STRA8: variants seen among roughly 807,000 people sequenced by gnomAD.
STRA8 encodes stimulated by retinoic acid 8.
STRA8 carries 18 observed loss-of-function variants against 37.1 expected under a neutral mutation model. The observed-to-expected ratio is 0.48, with a 90% CI of 0.34 to 0.72. The LOEUF (loss-of-function observed/expected upper bound fraction) is 0.72, where lower values mean the gene tolerates loss of function less well. Ranked by LOEUF, STRA8 falls within the 30% of genes least tolerant of loss-of-function variation. The pLI is 0.01. For synonymous variants in STRA8, 168 were observed against 162.9 expected (o/e 1.03, Z -0.24); for missense variants, 357 against 410.4 (o/e 0.87, Z 1.13).
chr7:135,258,292 G>A, intron 8 of STRA8, 126 bp from the exon 9 acceptor site: 1 of 672,766 alleles, frequency 1.5e-6, no homozygotes, highest in South Asian at 2.1e-5. Context: ...AGGTGAAAAT[G>A]CAGCGGAAGA....
intron 8 of STRA8, among the ~76,000 whole-genome samples, chr7:135,258,020 G>A (rs1242074311): frequency 2.6e-5 from 4 of 152,212 alleles, no homozygotes; most frequent in African/African-American, 9.7e-5. Context: ...AGAGCACGCT[G>A]TCTCATTATT....
Position 135,240,556 on chromosome 7 carries a change from A to C in STRA8, c.32A>C (p.His11Pro). The C allele has an allele frequency of 6.2e-7, 1 of 1,613,574 alleles. No individual in the cohort carries two copies. Among genetic ancestry groups the C allele is most frequent in the Admixed American group, 1.7e-5 (1 of 59,980 alleles). MATPEENSNP[H>P]DRATPQLPAQ... ...ACCCCTGAAGAAAACAGCAATCCCC[A>C]TGACAGAGCAACACCCCAGCTGCCA... Residue 11 changes from histidine to proline, a missense_variant, in exon 2 of 9, where the codon CAT becomes CCT. Physicochemically the swap from His to Pro is moderately conservative, Grantham distance 77. Coordinates refer to ENST00000662584, the MANE Select transcript of STRA8 (RefSeq NM_001394401.1).
intron 1 of STRA8, among the ~76,000 whole-genome samples, chr7:135,236,101 C>CAAAAGAAATA (rs1419822592): frequency 6.7e-6 from 1 of 149,968 alleles, no homozygotes; most frequent in African/African-American, 2.5e-5. Flanking sequence ...GACCCTATCT[C>CAAAAGAAATA]AAAAGAAATA....
chr7:135,258,427 T>G lies in STRA8; in HGVS notation c.1075T>G (p.Phe359Val). 6.2e-7 allele frequency: 1 copy of G among 1,604,308 alleles called. No individual in the cohort carries two copies. Among genetic ancestry groups the G allele is most frequent in the Non-Finnish European group, 8.5e-7 (1 of 1,175,118 alleles). Residue 359 changes from phenylalanine (F) to valine (V), a missense_variant, in exon 9 of 9, where the codon TTT becomes GTT. Coordinates refer to ENST00000662584, the MANE Select transcript of STRA8 (RefSeq NM_001394401.1). ...ACCCTGTGTCTTGCAGGAAGCATCC[T>G]TTCCCGTTGATGAAGAGATGATCAT... ...ANTQVKQEASFPVDEEMIMLQ... is the reference protein window; with the variant it reads ...ANTQVKQEASVPVDEEMIMLQ...
chr7:135,255,604 G>T (rs73156153), intron 8 of STRA8, among the ~76,000 whole-genome samples: 1 of 152,158 alleles, frequency 6.6e-6, no homozygotes, highest in African/African-American at 2.4e-5. Flanking sequence ...TCTCATAGGC[G>T]TGCAGACCCT....
chr7:135,241,057 C>T (rs1832457447), intron 2 of STRA8, among the ~76,000 whole-genome samples: 1 of 152,144 alleles, frequency 6.6e-6, no homozygotes, highest in Non-Finnish European at 1.5e-5. Context: ...ACCTTAATCA[C>T]CTTCCAAAAG....
intron 8 of STRA8, 83 bp from the exon 9 acceptor site, chr7:135,258,335 C>G (rs11979453): frequency 0.32 from 371,367 of 1,153,548 alleles, 64,712 homozygotes; most frequent in African/African-American, 0.62. Context: ...CTGGGCACAC[C>G]GGAGATGCAG....
Position 135,246,503 on chromosome 7 carries a change from C to G in STRA8, c.680C>G (p.Ser227Cys). 3 of 1,576,824 alleles carry G rather than the reference C, an allele frequency of 1.9e-6. No individual in the cohort carries two copies. Among genetic ancestry groups the G allele is most frequent in the Non-Finnish European group, 2.6e-6 (3 of 1,160,940 alleles). The part of the protein sequence containing the change: ...TPQEAALPIV[S>C]AAISHLWQNL... ...CAGGAGGCGGCGCTGCCCATCGTCT[C>G]CGCGGCCATCTCCCACCTGTGGCAG... Residue 227 changes from serine to cysteine, a missense_variant, in exon 6 of 9, where the codon TCC (serine) becomes TGC (cysteine). Ser to Cys is a moderately radical substitution (Grantham distance 112). Transcript: ENST00000662584. This position sits in a 1 kb window ranked among gnomAD's most constrained non-coding sequence, Gnocchi z 5.4.
chr7:135,232,010 T>C (rs2117775395), upstream of STRA8: 2 of 1,614,040 alleles, frequency 1.2e-6, no homozygotes, highest in East Asian at 4.5e-5. Flanking sequence ...AAGATCCTCT[T>C]TTTCAATCAA....
chr7:135,250,383 G>A (rs982558002), intron 6 of STRA8, among the ~76,000 whole-genome samples: 20 of 152,184 alleles, frequency 1.3e-4, no homozygotes, highest in Non-Finnish European at 1.2e-4. Flanking sequence ...GTAGCTGATA[G>A]GCTTCAGAGC....
chr7:135,234,856 G>A (rs1284735553), intron 1 of STRA8, among the ~76,000 whole-genome samples: 2 of 152,162 alleles, frequency 1.3e-5, no homozygotes, highest in African/African-American at 4.8e-5. Flanking sequence ...GTCGAACACA[G>A]CAATAAGTTT....
chr7:135,246,848 CTT>C lies in STRA8; in HGVS notation c.879+159_879+160del, dbSNP rs144431845. Reference sequence around the variant, plus strand: ...GTCGGTTTCTGATTTTCTTTTTTCTCTTTTTTTTTTTTTTGAGACGGAGTCTC... The same window carrying C: ...GTCGGTTTCTGATTTTCTTTTTTCTCTTTTTTTTTTTTGAGACGGAGTCTC... On this transcript the variant is annotated intron_variant, in intron 6 of 8. Transcript: ENST00000662584. The surrounding 1 kb of genome is among the most constrained non-coding windows in gnomAD (Gnocchi z 5.4). 14,379 of 659,128 alleles carry C rather than the reference CTT, an allele frequency of 0.022. No individual in the cohort carries two copies. Among genetic ancestry groups the C allele is most frequent in the South Asian group, 0.044 (1,761 of 40,238 alleles). 40.8% of individuals were successfully genotyped at this position (659,128 alleles called of 1,614,324 possible). A position where few individuals can be genotyped will look rare whatever the true frequency, so the allele number is the denominator to read the frequency against.
At chr7:135,257,471 G>T (rs897773753) in intron 8 of STRA8, among the ~76,000 whole-genome samples, 1 of 151,892 alleles carries the variant, frequency 6.6e-6, no homozygotes. Flanking sequence ...ACCCAGGATG[G>T]TGTGTAGTCA....
intron 1 of STRA8, among the ~76,000 whole-genome samples, chr7:135,239,973 C>T (rs938110478): frequency 6.6e-6 from 1 of 151,966 alleles, no homozygotes; most frequent in African/African-American, 2.4e-5. Flanking sequence ...ATGCATACAC[C>T]TGTGTAACTA....
chr7:135,245,768 TAC>T (rs1484375134), intron 5 of STRA8, among the ~76,000 whole-genome samples: 3 of 152,194 alleles, frequency 2.0e-5, no homozygotes, highest in Non-Finnish European at 2.9e-5. Context: ...CATACACTCA[TAC>T]AGTGTTTTTA....
intron 4 of STRA8, 123 bp from the exon 5 acceptor site, chr7:135,245,165 G>GACA: frequency 1.5e-6 from 1 of 667,906 alleles, no homozygotes. Flanking sequence ...TGGTCATGAT[G>GACA]TGTACACCTA....
intron 8 of STRA8, among the ~76,000 whole-genome samples, chr7:135,255,833 C>T (rs897095573): frequency 3.3e-5 from 5 of 152,366 alleles, no homozygotes; most frequent in Non-Finnish European, 7.3e-5. Context: ...GAAGCAGGAA[C>T]CCGATCCCAG....
Position 135,238,984 on chromosome 7 carries a change from C to T in STRA8, c.-6-1535C>T, listed in dbSNP as rs543213898. On this transcript the variant is annotated intron_variant, in intron 1 of 8. Coordinates refer to ENST00000662584, the MANE Select transcript of STRA8 (RefSeq NM_001394401.1). ...ACCAGCATGGGCAACCACAGCATCA[C>T]TGTTCCCATCTTCCTGCCCTGTTCC... Among the ~76,000 whole-genome samples, 67 of 152,318 alleles carry T rather than the reference C, an allele frequency of 4.4e-4. No homozygotes were observed. The East Asian group carries it at 9.7e-3, about 22-fold the overall frequency.
At chr7:135,232,424 C>A (rs1832307171), upstream of STRA8, among the ~76,000 whole-genome samples, 1 of 151,794 alleles carries the variant, frequency 6.6e-6, no homozygotes, top group Non-Finnish European at 1.5e-5. Flanking sequence ...GCGACCCAAG[C>A]AGAATTTTGG....
Sources: allele counts gnomAD v4.1 joint callset (sites outside exome capture counted in the v4.1 genomes callset), GRCh38; gene constraint gnomAD v4.1.1; non-coding constraint Gnocchi (gnomAD v3.1); transcripts MANE v1.5; gene names NCBI Gene and HGNC (gene_info 2026-07-23, HGNC 2026-07-21).